PLCH1: variants seen among roughly 807,000 people sequenced by gnomAD.
PLCH1 encodes 1-phosphatidylinositol 4,5-bisphosphate phosphodiesterase eta-1.
PLCH1 carries 60 observed loss-of-function variants against 126.7 expected under a neutral mutation model. The observed-to-expected ratio is 0.47, with a 90% CI of 0.38 to 0.59. The LOEUF is 0.59. PLCH1 is among the 20% of genes least tolerant of loss of function. PLCH1 has a pLI of 0.00. For synonymous variants in PLCH1, 719 were observed against 734.9 expected (o/e 0.98, Z 0.35); for missense variants, 1,723 against 2,040.0 (o/e 0.84, Z 2.99).
chr3:155,582,791 C>G (rs11927334), intron 6 of PLCH1, among the ~76,000 whole-genome samples: 12,230 of 152,138 alleles, frequency 0.08, 591 homozygotes, highest in African/African-American at 0.13. Context: ...ATTTATTCCT[C>G]TACTTTAGTG....
At chr3:155,615,817 T>G (rs985842267) in intron 2 of PLCH1, among the ~76,000 whole-genome samples, 4 of 152,154 alleles carry the variant, frequency 2.6e-5, no homozygotes, top group African/African-American at 7.2e-5. Flanking sequence ...GGGTACAGTG[T>G]ATACTGCTTG....
intron 1 of PLCH1, among the ~76,000 whole-genome samples, chr3:155,738,589 C>G (rs541730710): frequency 6.6e-6 from 1 of 152,176 alleles, no homozygotes; most frequent in African/African-American, 2.4e-5. Flanking sequence ...CAAGACCAGC[C>G]TGGCTAACAC....
intron 2 of PLCH1, among the ~76,000 whole-genome samples, chr3:155,667,149 A>G (rs1187749498): frequency 6.6e-6 from 1 of 152,172 alleles, no homozygotes; most frequent in Non-Finnish European, 1.5e-5. Context: ...TGCCAGAGAA[A>G]TTGACCAAGG....
intron 2 of PLCH1, among the ~76,000 whole-genome samples, chr3:155,610,466 A>C (rs572043123): frequency 9.2e-5 from 14 of 151,886 alleles, no homozygotes; most frequent in African/African-American, 2.9e-4. Context: ...GTGAGGAAAA[A>C]CCGTCAGGTA....
intron 10 of PLCH1, among the ~76,000 whole-genome samples, chr3:155,537,201 CCAAAAAAAAA>C (rs1723507343): frequency 2.1e-4 from 28 of 132,106 alleles, no homozygotes; most frequent in African/African-American, 7.2e-4. Flanking sequence ...AAAAAAAAAA[CCAAAAAAAAA>C]AAAAAAAAAA....
chr3:155,582,441 G>A (rs1370247157), intron 6 of PLCH1, among the ~76,000 whole-genome samples: 1 of 151,986 alleles, frequency 6.6e-6, no homozygotes, highest in Non-Finnish European at 1.5e-5. Context: ...CTTTAAAAAT[G>A]GTGAATTTTA....
chr3:155,639,865 A>T (rs1428128386), intron 2 of PLCH1, among the ~76,000 whole-genome samples: 2 of 149,752 alleles, frequency 1.3e-5, no homozygotes, highest in Admixed American at 1.3e-4. Flanking sequence ...TTCTCAGGAT[A>T]GTGAGTGAGT....
At chr3:155,483,479 G>T in intron 22 of PLCH1, 1 of 591,734 alleles carries the variant, frequency 1.7e-6, no homozygotes, top group Non-Finnish European at 2.8e-6. Context: ...AGTTATACAT[G>T]TATTAGTTAA....
chr3:155,720,376 C>T (rs1747857610), intron 1 of PLCH1, among the ~76,000 whole-genome samples: 1 of 149,618 alleles, frequency 6.7e-6, no homozygotes, highest in Admixed American at 6.6e-5. Flanking sequence ...TCCACACTGA[C>T]ATCTATTATT....
At chr3:155,676,940 T>A (rs1744144835) in intron 2 of PLCH1, among the ~76,000 whole-genome samples, 1 of 152,318 alleles carries the variant, frequency 6.6e-6, no homozygotes, top group African/African-American at 2.4e-5. Flanking sequence ...ATTATTATAG[T>A]GCAATTTTCC....
chr3:155,486,336 G>A lies in PLCH1; in HGVS notation c.2620-626C>T, dbSNP rs1024998154. 4.9e-6 allele frequency: 3 copies of A among 611,828 alleles called. No homozygotes were observed. In the Admixed American group the frequency reaches 8.9e-5, roughly 18 times the overall value. The allele number at this position is 611,828 out of a possible 1,614,324, so 37.9% of individuals were successfully genotyped here. ...TTTCTCTTAGTTTTGGGGATTTTTA[G>A]TCTTATGCTCATTCATTGTTCAACC... On this transcript the variant is annotated intron_variant, in intron 21 of 22. Coordinates refer to ENST00000460012, the MANE Select transcript of PLCH1 (RefSeq NM_014996.4).
intron 10 of PLCH1, among the ~76,000 whole-genome samples, chr3:155,530,675 AATC>A (rs1372389204): frequency 6.6e-6 from 1 of 152,140 alleles, no homozygotes; most frequent in Non-Finnish European, 1.5e-5. Context: ...TCAGGATTGG[AATC>A]ATCTTCTTCT....
Position 155,514,727 on chromosome 3 carries a change from T to C in PLCH1, c.1628A>G (p.Lys543Arg). Reference protein sequence around the residue: ...ATHEGLNAHLKQSPDVKESGK... With the variant: ...ATHEGLNAHLRQSPDVKESGK... ...GTACAAGAGGGAATCAGATACCTGC[T>C]TCAGGTGTGCATTTAAGCCTTCATG... Residue 543 changes from lysine to arginine, a missense_variant, in exon 12 of 23, where the codon AAG (lysine) becomes AGG (arginine). Coordinates refer to ENST00000460012, the MANE Select transcript of PLCH1 (RefSeq NM_014996.4). 1 of 1,558,004 alleles carries C rather than the reference T, an allele frequency of 6.4e-7. No individual in the cohort carries two copies. Among genetic ancestry groups the C allele is most frequent in the Non-Finnish European group, 8.7e-7 (1 of 1,146,704 alleles).
chr3:155,455,774 C>A lies in PLCH1; in HGVS notation c.2938+29582G>T, dbSNP rs145124688. On this transcript the variant is annotated intron_variant, in intron 21 of 21. Coordinates refer to the PLCH1 transcript ENST00000494598. ...TTACTTCTACAAAGAAATACACTTTCTCCAATTTTGTTTTTAAACCCATAG... is the reference window on the plus strand; with the variant it reads ...TTACTTCTACAAAGAAATACACTTTATCCAATTTTGTTTTTAAACCCATAG... 8.1e-3 allele frequency among the ~76,000 whole-genome samples: 1,230 copies of A among 152,322 alleles called. 13 individuals carry two copies. The highest frequency in any genetic ancestry group is 0.047 in the South Asian group (225 of 4,834).
At chr3:155,614,413 T>C (rs939169572) in intron 2 of PLCH1, among the ~76,000 whole-genome samples, 3 of 151,796 alleles carry the variant, frequency 2.0e-5, no homozygotes, top group African/African-American at 7.3e-5. Context: ...AAGGAGATAG[T>C]TACCAAAACA....
chr3:155,503,593 A>G (rs1329367689), intron 13 of PLCH1, among the ~76,000 whole-genome samples: 2 of 147,892 alleles, frequency 1.4e-5, no homozygotes, highest in African/African-American at 2.5e-5. Context: ...GCTGGAGTGC[A>G]GTGGTGCAAT....
chr3:155,724,340 T>C (rs1748159387), intron 1 of PLCH1, among the ~76,000 whole-genome samples: 1 of 152,212 alleles, frequency 6.6e-6, no homozygotes, highest in Admixed American at 6.5e-5. Context: ...CAGTGGAGTA[T>C]TACAGTCCTC....
intron 10 of PLCH1, among the ~76,000 whole-genome samples, chr3:155,537,591 C>A (rs1372847799): frequency 6.6e-6 from 1 of 151,944 alleles, no homozygotes; most frequent in East Asian, 1.9e-4. Context: ...TGGGCAGGAG[C>A]AGCTATCCTT....
intron 21 of PLCH1, among the ~76,000 whole-genome samples, chr3:155,458,611 GAGAA>G (rs1712591186): frequency 6.6e-6 from 1 of 151,728 alleles, no homozygotes; most frequent in African/African-American, 2.4e-5. Flanking sequence ...TGTTTAGAAA[GAGAA>G]AGAAAGAAAA....
Sources: gnomAD v4.1 joint callset for allele counts (sites outside exome capture counted in the v4.1 genomes callset) on GRCh38, gnomAD v4.1.1 for gene constraint, MANE v1.5 for transcripts, NCBI Gene and HGNC (gene_info 2026-07-23, HGNC 2026-07-21) for gene names.